The following TMEM132D variants were observed in gnomAD, a reference collection of about 807,000 sequenced individuals.
TMEM132D encodes transmembrane protein 132D, also known as mature OL transmembrane protein.
Under a neutral mutation model 62.3 loss-of-function variants are expected in TMEM132D, and 21 were observed. That is an observed-to-expected ratio of 0.34 (90% CI 0.24 to 0.49). The LOEUF (loss-of-function observed/expected upper bound fraction) is 0.49, where lower values mean the gene tolerates loss of function less well. Among genes scored for constraint, TMEM132D ranks in the 20% least tolerant of loss-of-function variants. TMEM132D has a pLI of 0.99. For synonymous variants in TMEM132D, 621 were observed against 575.6 expected, an observed-to-expected ratio of 1.08 and a Z score of -1.13; for missense variants, 1,346 against 1,402.8, an observed-to-expected ratio of 0.96 and a Z score of 0.65.
intron 2 of TMEM132D, among the ~76,000 whole-genome samples, chr12:129,588,740 ATTTTTTTCT>A (rs1475691262): frequency 2.1e-3 from 64 of 31,118 alleles, no homozygotes; most frequent in Middle Eastern, 0.04. Context: ...ACGCCCAGCT[ATTTTTTTCT>A]TTTTTTTTTT....
chr12:129,455,492 T>C (rs967863013), intron 3 of TMEM132D, among the ~76,000 whole-genome samples: 7 of 152,226 alleles, frequency 4.6e-5, no homozygotes, highest in African/African-American at 1.7e-4. Context: ...AACGTGATTA[T>C]AATGCAATTT....
chr12:129,843,611 G>A (rs977986559), intron 1 of TMEM132D, among the ~76,000 whole-genome samples: 28 of 152,134 alleles, frequency 1.8e-4, no homozygotes, highest in Admixed American at 1.3e-4. Context: ...TTGTACGAGC[G>A]GAAACAGGGA....
chr12:129,762,536 A>G (rs543359977), intron 1 of TMEM132D, among the ~76,000 whole-genome samples: 2 of 152,166 alleles, frequency 1.3e-5, no homozygotes, highest in Admixed American at 1.3e-4. Context: ...TCAGGCAGGT[A>G]GACTCATTTT....
intron 3 of TMEM132D, among the ~76,000 whole-genome samples, chr12:129,502,833 C>T (rs542663911): frequency 3.9e-5 from 6 of 152,148 alleles, no homozygotes; most frequent in Non-Finnish European, 7.3e-5. Context: ...CATGCCACTC[C>T]CTCCCCTAGA....
chr12:129,517,122 G>A (rs766228090), intron 3 of TMEM132D, among the ~76,000 whole-genome samples: 10 of 152,046 alleles, frequency 6.6e-5, no homozygotes, highest in South Asian at 4.1e-4. Flanking sequence ...TATAGATCCC[G>A]GACACAGGCA....
intron 3 of TMEM132D, among the ~76,000 whole-genome samples, chr12:129,407,524 G>A (rs1296079813): frequency 1.3e-5 from 2 of 152,132 alleles, no homozygotes; most frequent in Non-Finnish European, 2.9e-5. Flanking sequence ...ACCACTAATA[G>A]ATACTAAATT....
At chr12:129,393,231 T>C (rs1871337350) in intron 3 of TMEM132D, among the ~76,000 whole-genome samples, 2 of 152,262 alleles carry the variant, frequency 1.3e-5, no homozygotes, top group Admixed American at 1.3e-4. Context: ...CTTACCATGT[T>C]TGCCCAGTGT....
chr12:129,568,939 T>G (rs1223860384), intron 2 of TMEM132D, among the ~76,000 whole-genome samples: 4 of 152,130 alleles, frequency 2.6e-5, no homozygotes. Context: ...AAGAGTCACC[T>G]GGGAGGGATT....
At chr12:129,794,911 C>T (rs1319762641) in intron 1 of TMEM132D, among the ~76,000 whole-genome samples, 1 of 152,042 alleles carries the variant, frequency 6.6e-6, no homozygotes, top group Non-Finnish European at 1.5e-5. Context: ...TATGCATTTC[C>T]GGGGAAATTT....
At chr12:129,774,615 T>C (rs1260867305) in intron 1 of TMEM132D, among the ~76,000 whole-genome samples, 1 of 152,124 alleles carries the variant, frequency 6.6e-6, no homozygotes, top group East Asian at 1.9e-4. Context: ...ACTGCCACAG[T>C]TACACAGTAA....
chr12:129,859,830 C>T (rs570283013), intron 1 of TMEM132D, among the ~76,000 whole-genome samples: 44 of 152,144 alleles, frequency 2.9e-4, no homozygotes, highest in Non-Finnish European at 2.8e-4. Context: ...GTTGCACTGT[C>T]GGCCTCCCTG....
intron 1 of TMEM132D, among the ~76,000 whole-genome samples, chr12:129,798,360 G>A (rs948086081): frequency 3.3e-5 from 5 of 152,180 alleles, no homozygotes; most frequent in Non-Finnish European, 7.3e-5. Context: ...GGGTTAAATG[G>A]ATGTGTGTTT....
chr12:129,406,394 G>A (rs375189724), intron 3 of TMEM132D, among the ~76,000 whole-genome samples: 105 of 152,324 alleles, frequency 6.9e-4, no homozygotes, highest in African/African-American at 2.3e-3. Flanking sequence ...GTCGAGGCGC[G>A]TGGATCACGA....
chr12:129,177,341 C>T (rs1339147993), intron 5 of TMEM132D, among the ~76,000 whole-genome samples: 1 of 152,134 alleles, frequency 6.6e-6, no homozygotes, highest in Admixed American at 6.6e-5. Flanking sequence ...ATATATTCTA[C>T]AGAGGGCAGG....
intron 4 of TMEM132D, among the ~76,000 whole-genome samples, chr12:129,260,281 C>T (rs78141422): frequency 0.071 from 10,733 of 152,094 alleles, 560 homozygotes; most frequent in Admixed American, 0.17. Context: ...GGATAATATG[C>T]CCCTGAGAGG....
At position 129,786,615 on chromosome 12, in the gene TMEM132D, G is replaced by A. The variant is rs535405084; in HGVS notation, c.80-85917C>T. On this transcript the variant is annotated intron_variant, in intron 1 of 8. Transcript: ENST00000422113. ...TAAGAAATAAAGAGAGAGTGGCCAG[G>A]CATGATAGCTCACGCCTGTAACCCC... 2.0e-3 allele frequency among the ~76,000 whole-genome samples: 303 copies of A among 152,280 alleles called. 8 individuals are homozygous for A. In the South Asian group the frequency reaches 0.061, roughly 30 times the overall value.
chr12:129,485,805 C>A (rs1369753641), intron 3 of TMEM132D, among the ~76,000 whole-genome samples: 1 of 152,182 alleles, frequency 6.6e-6, no homozygotes, highest in African/African-American at 2.4e-5. Context: ...AATTCTGAAT[C>A]CTTACCTGGC....
chr12:129,714,943 A>G (rs1240498410), intron 1 of TMEM132D, among the ~76,000 whole-genome samples: 7 of 152,192 alleles, frequency 4.6e-5, no homozygotes, highest in Admixed American at 4.6e-4. Context: ...CTCCAGCCTA[A>G]CAATGCGTAA....
At chr12:129,878,837 G>A (rs1874510447) in intron 1 of TMEM132D, among the ~76,000 whole-genome samples, 3 of 152,106 alleles carry the variant, frequency 2.0e-5, no homozygotes, top group African/African-American at 7.2e-5. Context: ...CCAAAGTGCT[G>A]GGATTACAGG....
Sources: allele counts gnomAD v4.1 joint callset (sites outside exome capture counted in the v4.1 genomes callset), GRCh38; gene constraint gnomAD v4.1.1; transcripts MANE v1.5; gene names NCBI Gene and HGNC (gene_info 2026-07-23, HGNC 2026-07-21).